GOLGA1: variants seen among roughly 807,000 people sequenced by gnomAD.
GOLGA1 encodes the protein golgin A1.
GOLGA1 carries 63 observed loss-of-function variants against 119.7 expected under a neutral mutation model. The observed-to-expected ratio is 0.53, with a 90% CI of 0.43 to 0.65. The LOEUF (loss-of-function observed/expected upper bound fraction) is 0.65, where lower values mean the gene tolerates loss of function less well. GOLGA1 is among the 30% of genes least tolerant of loss of function. The probability of loss-of-function intolerance (pLI) is 0.00; values close to 1 mark genes in which losing one functional copy is unlikely to be tolerated. For missense variants in GOLGA1, 798 were observed against 912.8 expected, an observed-to-expected ratio of 0.87 and a Z score of 1.62; for synonymous variants, 318 against 333.4, an observed-to-expected ratio of 0.95 and a Z score of 0.50.
At chr9:124,926,870 A>C in intron 6 of GOLGA1, 129 bp from the exon 7 acceptor site, 1 of 580,486 alleles carries the variant, frequency 1.7e-6, no homozygotes, top group South Asian at 2.5e-5. Flanking sequence ...AAGCCAATTA[A>C]AAAAAAATCT....
chr9:124,889,262 C>A lies in GOLGA1; in HGVS notation c.1642G>T (p.Glu548Ter). Residue 548 changes from glutamate (E) to a stop codon, truncating the protein, a stop_gained, in exon 18 of 23, where the codon GAG becomes TAG. Coordinates refer to ENST00000373555, the MANE Select transcript of GOLGA1 (RefSeq NM_002077.4). LOFTEE classifies it high-confidence loss of function. ...TTGAGGGTCCTCAGGGCCTCCAGCT[C>A]GGCCTGCAGCTGGTGTATCTGCAGC... ...ALLQIHQLQA[E>*]LEALRTLKAE... 6.2e-7 allele frequency: 1 copy of A among 1,613,860 alleles called. No individual in the cohort carries two copies. Among genetic ancestry groups the A allele is most frequent in the Non-Finnish European group, 8.5e-7 (1 of 1,179,920 alleles).
At chr9:124,892,313 T>G (rs1403732871) in intron 15 of GOLGA1, among the ~76,000 whole-genome samples, 1 of 152,204 alleles carries the variant, frequency 6.6e-6, no homozygotes, top group East Asian at 1.9e-4. Flanking sequence ...TTCCTTGAGT[T>G]TGATTTGTGC....
At chr9:124,915,607 T>A (rs1299956318) in intron 10 of GOLGA1, among the ~76,000 whole-genome samples, 1 of 152,042 alleles carries the variant, frequency 6.6e-6, no homozygotes, top group Non-Finnish European at 1.5e-5. Flanking sequence ...CCCAGCACTG[T>A]GAGAGGCCGA....
rs920950680 is a variant in GOLGA1, at chr9:124,879,102, G to A, written c.*1428C>T. The stretch of plus-strand genomic sequence containing the variant: ...TTCGTTAGGTTAACGTTGCAAATGC[G>A]TGTTTTTCTGTGACACATTTTATAT... On this transcript the variant is annotated 3_prime_UTR_variant, in exon 23 of 23. Coordinates refer to ENST00000373555, the MANE Select transcript of GOLGA1 (RefSeq NM_002077.4). 5.9e-5 allele frequency: 9 copies of A among 152,210 alleles called. No individual in the cohort carries two copies. The highest frequency in any genetic ancestry group is 3.9e-4 in the Admixed American group (6 of 15,284). 9.4% of individuals were successfully genotyped at this position (152,210 alleles called of 1,614,324 possible).
intron 15 of GOLGA1, among the ~76,000 whole-genome samples, chr9:124,895,156 C>T (rs1347523736): frequency 3.3e-5 from 5 of 150,598 alleles, no homozygotes; most frequent in Admixed American, 1.3e-4. Context: ...AGACTCTCCA[C>T]AACAGAGACC....
At chr9:124,937,440 G>A (rs932698619) in intron 3 of GOLGA1, among the ~76,000 whole-genome samples, 1 of 151,926 alleles carries the variant, frequency 6.6e-6, no homozygotes, top group Non-Finnish European at 1.5e-5. Context: ...GTGACAGAGC[G>A]AGACCCTATC....
chr9:124,881,756 C>T lies in GOLGA1; in HGVS notation c.2136+28G>A. ...CAGACTGTAGGGCGGGGCCTCAATA[C>T]CCAAAAGACACCTCAAAAGCCCTTT... On this transcript the variant is annotated intron_variant, in intron 21 of 22. Transcript: ENST00000373555. This position sits in a 1 kb window ranked among gnomAD's most constrained non-coding sequence, Gnocchi z 4.9. 4 of 1,560,184 alleles carry T rather than the reference C, an allele frequency of 2.6e-6. No homozygotes were observed. Among genetic ancestry groups the T allele is most frequent in the Non-Finnish European group, 3.5e-6 (4 of 1,141,774 alleles).
chr9:124,881,643 A>C lies in GOLGA1; in HGVS notation c.2136+141T>G. On this transcript the variant is annotated intron_variant, in intron 21 of 22. Coordinates refer to ENST00000373555, the MANE Select transcript of GOLGA1 (RefSeq NM_002077.4). This position sits in a 1 kb window ranked among gnomAD's most constrained non-coding sequence, Gnocchi z 4.9. ...GCTCACTCCGCAGGCCAACGCCAGC[A>C]GGAGAAATGACTGGGTGACCACAAG... 1 of 684,772 alleles carries C rather than the reference A, an allele frequency of 1.5e-6. No individual in the cohort carries two copies. Among genetic ancestry groups the C allele is most frequent in the Non-Finnish European group, 2.6e-6 (1 of 390,242 alleles). The allele number at this position is 684,772 out of a possible 1,614,324, so 42.4% of individuals were successfully genotyped here. A position where few individuals can be genotyped will look rare whatever the true frequency, so the allele number is the denominator to read the frequency against.
At position 124,878,928 on chromosome 9, in the gene GOLGA1, A is replaced by G. The variant is rs565654941; in HGVS notation, c.*1602T>C. On this transcript the variant is annotated 3_prime_UTR_variant, in exon 23 of 23. Transcript: ENST00000373555. ...TCCTGTTTCGTGTTCCCACCAGGTAAATGGAAATTCGTGTTCTAAACAAGG... is the reference window on the plus strand; with the variant it reads ...TCCTGTTTCGTGTTCCCACCAGGTAGATGGAAATTCGTGTTCTAAACAAGG... 6.6e-6 allele frequency: 1 copy of G among 152,358 alleles called. No individual in the cohort carries two copies. The highest frequency in any genetic ancestry group is 2.1e-4 in the South Asian group (1 of 4,828). The allele number at this position is 152,358 out of a possible 1,614,324, so 9.4% of individuals were successfully genotyped here. A position where few individuals can be genotyped will look rare whatever the true frequency, so the allele number is the denominator to read the frequency against.
intron 10 of GOLGA1, among the ~76,000 whole-genome samples, chr9:124,920,742 T>C (rs1830549836): frequency 6.6e-6 from 1 of 151,270 alleles, no homozygotes; most frequent in Admixed American, 6.6e-5. Flanking sequence ...GAGACCAGCC[T>C]GGCCAACATG....
In GOLGA1 at chr9:124,878,282, T is replaced by TG. The variant is rs1202643242; in HGVS notation, c.*2247dup. On this transcript the variant is annotated 3_prime_UTR_variant, in exon 23 of 23. Coordinates refer to ENST00000373555, the MANE Select transcript of GOLGA1 (RefSeq NM_002077.4). ...ATTCTCTAGCCCTTGAGGTTGGCCT[T>TG]GGAGTGTTAAATATGAGACACAAAA... 6.6e-6 allele frequency: 1 copy of TG among 152,258 alleles called. No homozygotes were observed. Among genetic ancestry groups the TG allele is most frequent in the Non-Finnish European group, 1.5e-5 (1 of 68,050 alleles). 9.4% of individuals were successfully genotyped at this position (152,258 alleles called of 1,614,324 possible).
upstream of GOLGA1, among the ~76,000 whole-genome samples, chr9:124,941,546 C>T (rs1831025269): frequency 6.6e-6 from 1 of 152,234 alleles, no homozygotes; most frequent in Admixed American, 6.5e-5. Context: ...CCTCCAGCTT[C>T]ACTCACAAGC....
chr9:124,892,466 T>C, intron 15 of GOLGA1, among the ~76,000 whole-genome samples: 1 of 152,232 alleles, frequency 6.6e-6, no homozygotes, highest in East Asian at 1.9e-4. Context: ...ACAAAATCAT[T>C]TATTTCAAAA....
chr9:124,925,029 A>T (rs560410424), intron 7 of GOLGA1, among the ~76,000 whole-genome samples: 1 of 151,934 alleles, frequency 6.6e-6, no homozygotes, highest in South Asian at 2.1e-4. Flanking sequence ...GCAGTGAGCC[A>T]AGATCATGCC....
chr9:124,942,009 C>T (rs1439883630), upstream of GOLGA1, among the ~76,000 whole-genome samples: 1 of 152,186 alleles, frequency 6.6e-6, no homozygotes, highest in Non-Finnish European at 1.5e-5. Flanking sequence ...GGCGCGGTGG[C>T]TCACTCCTGT....
intron 3 of GOLGA1, among the ~76,000 whole-genome samples, chr9:124,934,112 T>C (rs147409434): frequency 6.6e-6 from 1 of 152,280 alleles, no homozygotes; most frequent in East Asian, 1.9e-4. Context: ...TATCCCCATT[T>C]TATAGATGTG....
At position 124,923,228 on chromosome 9, in the gene GOLGA1, T is replaced by A; in HGVS notation, c.433-5A>T. ...GGCTGTCAGAATATTTTTCTCCTAT[T>A]TGAAAGAAGAAGACATCAACTCAGG... On this transcript the variant is annotated splice_region_variant and splice_polypyrimidine_tract_variant and intron_variant, in intron 7 of 22. Transcript: ENST00000373555. 1 of 1,585,424 alleles carries A rather than the reference T, an allele frequency of 6.3e-7. No individual in the cohort carries two copies. The highest frequency in any genetic ancestry group is 2.2e-5 in the East Asian group (1 of 44,532).
intron 15 of GOLGA1, among the ~76,000 whole-genome samples, chr9:124,891,973 T>TGA (rs1483274932): frequency 1.2e-3 from 11 of 9,346 alleles, no homozygotes; most frequent in Non-Finnish European, 0.017. Flanking sequence ...ACTTCATTCC[T>TGA]GAGACAGTTT....
intron 15 of GOLGA1, among the ~76,000 whole-genome samples, chr9:124,895,758 A>G (rs972228563): frequency 6.6e-6 from 1 of 150,868 alleles, no homozygotes; most frequent in Non-Finnish European, 1.5e-5. Flanking sequence ...CACAACAGAG[A>G]ACCTCCACAA....
Sources: allele counts gnomAD v4.1 joint callset (sites outside exome capture counted in the v4.1 genomes callset), GRCh38; gene constraint gnomAD v4.1.1; non-coding constraint Gnocchi (gnomAD v3.1); transcripts MANE v1.5; gene names NCBI Gene and HGNC (gene_info 2026-07-23, HGNC 2026-07-21).